MACROD2: variants seen among roughly 807,000 people sequenced by gnomAD.
The protein encoded by MACROD2 is mono-ADP ribosylhydrolase 2.
A neutral mutation model predicts 70.4 loss-of-function variants in MACROD2; 36 were observed. The observed-to-expected ratio is 0.51, with a 90% CI of 0.39 to 0.68. MACROD2 has a LOEUF of 0.68. Ranked by LOEUF, MACROD2 falls within the 30% of genes least tolerant of loss-of-function variation. The probability of loss-of-function intolerance (pLI) is 0.00; values close to 1 mark genes in which losing one functional copy is unlikely to be tolerated. For missense variants in MACROD2, 496 were observed against 538.4 expected, an observed-to-expected ratio of 0.92 and a Z score of 0.78; for synonymous variants, 172 against 178.8, an observed-to-expected ratio of 0.96 and a Z score of 0.30.
chr20:15,633,613 G>A (rs1245845317), intron 8 of MACROD2, among the ~76,000 whole-genome samples: 2 of 151,502 alleles, frequency 1.3e-5, no homozygotes, highest in African/African-American at 2.4e-5. Context: ...CCATTCCACT[G>A]TCATGATCTG....
At chr20:16,005,421 G>A (rs1601311554) in intron 15 of MACROD2, among the ~76,000 whole-genome samples, 3 of 152,268 alleles carry the variant, frequency 2.0e-5, no homozygotes, top group African/African-American at 7.2e-5. Flanking sequence ...CTGGGGCATT[G>A]ATCTGAAAGC....
intron 3 of MACROD2, among the ~76,000 whole-genome samples, chr20:14,146,118 C>T (rs1036115560): frequency 6.6e-6 from 1 of 152,056 alleles, no homozygotes; most frequent in Non-Finnish European, 1.5e-5. Flanking sequence ...GTCAGAAGAT[C>T]GAGACCATCC....
chr20:15,991,094 G>T (rs745783941), intron 15 of MACROD2, among the ~76,000 whole-genome samples: 6 of 152,174 alleles, frequency 3.9e-5, no homozygotes, highest in Non-Finnish European at 5.9e-5. Flanking sequence ...ACTTACCAAT[G>T]ATTGGACAGC....
intron 3 of MACROD2, among the ~76,000 whole-genome samples, chr20:14,395,040 G>C (rs955819692): frequency 2.0e-5 from 3 of 151,980 alleles, no homozygotes; most frequent in Admixed American, 2.0e-4. Flanking sequence ...CTGACCTAAA[G>C]CTTTCTTTTT....
chr20:15,322,818 T>A (rs1300280287), intron 6 of MACROD2, among the ~76,000 whole-genome samples: 1 of 144,080 alleles, frequency 6.9e-6, no homozygotes, highest in Admixed American at 7.0e-5. Flanking sequence ...AATAGAAGCA[T>A]GAAAAAAGTC....
At chr20:14,353,979 G>A (rs538886031) in intron 3 of MACROD2, among the ~76,000 whole-genome samples, 3 of 152,050 alleles carry the variant, frequency 2.0e-5, no homozygotes, top group Non-Finnish European at 2.9e-5. Context: ...GTGTCAAGTC[G>A]GCAATCTGCA....
chr20:14,130,789 C>G (rs181393785), intron 3 of MACROD2, among the ~76,000 whole-genome samples: 1 of 152,098 alleles, frequency 6.6e-6, no homozygotes. Flanking sequence ...ATAAATTTGT[C>G]ATTTTTTGGA....
chr20:15,011,812 T>A (rs2122935261), intron 5 of MACROD2, among the ~76,000 whole-genome samples: 1 of 152,296 alleles, frequency 6.6e-6, no homozygotes, highest in East Asian at 1.9e-4. Flanking sequence ...TGGTCATGTG[T>A]TTTTAGCAAG....
At chr20:15,201,519 A>T (rs2076656038) in intron 5 of MACROD2, among the ~76,000 whole-genome samples, 1 of 152,206 alleles carries the variant, frequency 6.6e-6, no homozygotes, top group South Asian at 2.1e-4. Flanking sequence ...CAATACGTGC[A>T]ACTGTCACAC....
intron 8 of MACROD2, among the ~76,000 whole-genome samples, chr20:15,834,976 G>A (rs905188530): frequency 6.6e-6 from 1 of 152,106 alleles, no homozygotes; most frequent in African/African-American, 2.4e-5. Context: ...GGCTTTTGCA[G>A]CTTCTGGCTG....
chr20:15,962,865 C>T (rs957884380), intron 12 of MACROD2, among the ~76,000 whole-genome samples: 1 of 152,164 alleles, frequency 6.6e-6, no homozygotes, highest in African/African-American at 2.4e-5. Flanking sequence ...TATAGTTCAG[C>T]CTTATTTATC....
At chr20:14,650,607 A>C (rs557113343) in intron 4 of MACROD2, among the ~76,000 whole-genome samples, 139 of 152,320 alleles carry the variant, frequency 9.1e-4, no homozygotes, top group Non-Finnish European at 1.6e-3. Flanking sequence ...TTTGTTGTCT[A>C]TGGTAAACTA....
intron 8 of MACROD2, among the ~76,000 whole-genome samples, chr20:15,675,074 G>T (rs530056701): frequency 1.3e-5 from 2 of 152,176 alleles, no homozygotes; most frequent in Non-Finnish European, 2.9e-5. Context: ...AAAATGCACA[G>T]CCACCTCCTC....
At chr20:14,607,963 C>T (rs1258430126) in intron 4 of MACROD2, among the ~76,000 whole-genome samples, 1 of 151,902 alleles carries the variant, frequency 6.6e-6, no homozygotes, top group Non-Finnish European at 1.5e-5. Context: ...TTAAATCTAC[C>T]AGGAAAAGGC....
At chr20:14,829,619 G>A (rs934987090) in intron 5 of MACROD2, among the ~76,000 whole-genome samples, 30 of 151,974 alleles carry the variant, frequency 2.0e-4, no homozygotes, top group Admixed American at 1.8e-3. Flanking sequence ...TTTAGAATGC[G>A]AATATTAGTG....
At chr20:15,329,481 TA>T (rs1401951912) in intron 6 of MACROD2, among the ~76,000 whole-genome samples, 1 of 152,024 alleles carries the variant, frequency 6.6e-6, no homozygotes, top group Non-Finnish European at 1.5e-5. Flanking sequence ...CTCATGTCTG[TA>T]ATCCCAGCAC....
chr20:15,227,823 G>GTTTTTTTT (rs59129207), intron 5 of MACROD2, among the ~76,000 whole-genome samples: 751 of 46,052 alleles, frequency 0.016, 195 homozygotes, highest in African/African-American at 0.054. Flanking sequence ...AATTTCACCT[G>GTTTTTTTT]TTTTTTTTTT....
intron 5 of MACROD2, among the ~76,000 whole-genome samples, chr20:15,181,204 G>T (rs1314066628): frequency 6.6e-6 from 1 of 152,166 alleles, no homozygotes. Flanking sequence ...ACGTTTGGCG[G>T]TGGATGCAGA....
At chr20:14,390,984 C>T (rs1302535278) in intron 3 of MACROD2, among the ~76,000 whole-genome samples, 1 of 147,262 alleles carries the variant, frequency 6.8e-6, no homozygotes, top group South Asian at 2.5e-4. Flanking sequence ...CAGATGCTGG[C>T]AAGGTTGTGG....
Sources: gnomAD v4.1 joint callset for allele counts (sites outside exome capture counted in the v4.1 genomes callset) on GRCh38, gnomAD v4.1.1 for gene constraint, MANE v1.5 for transcripts, NCBI Gene and HGNC (gene_info 2026-07-23, HGNC 2026-07-21) for gene names.